Variants in CEP41 observed in about 807,000 individuals in gnomAD.
CEP41 encodes the protein centrosomal protein of 41 kDa.
A neutral mutation model predicts 44.3 loss-of-function variants in CEP41; 32 were observed. That is an observed-to-expected ratio of 0.72 (90% CI 0.54 to 0.97). CEP41 has a LOEUF of 0.97. Ranked by LOEUF, CEP41 falls within the 50% of genes least tolerant of loss-of-function variation. CEP41 has a pLI of 0.00. For missense variants in CEP41, 432 were observed against 455.2 expected, an observed-to-expected ratio of 0.95 and a Z score of 0.46; for synonymous variants, 151 against 168.5, an observed-to-expected ratio of 0.90 and a Z score of 0.80.
intron 2 of CEP41, 34 bp downstream of exon 2, chr7:130,427,921 T>C (rs1196527386): frequency 7.0e-7 from 1 of 1,438,672 alleles, no homozygotes; most frequent in Middle Eastern, 1.8e-4. Flanking sequence ...GCTATTAGAT[T>C]TTTTTTAATT....
At chr7:130,412,122 C>T (rs1360220372) in intron 4 of CEP41, 57 bp downstream of exon 4, 4 of 928,334 alleles carry the variant, frequency 4.3e-6, no homozygotes, top group Non-Finnish European at 7.2e-6. Flanking sequence ...TTTAGAAATA[C>T]ATAAAGTGGC....
chr7:130,425,046 T>C (rs1554423061), intron 2 of CEP41, among the ~76,000 whole-genome samples: 1 of 152,082 alleles, frequency 6.6e-6, no homozygotes, highest in East Asian at 1.9e-4. Context: ...GCAAAAGATA[T>C]GAACAGGTAT....
At chr7:130,431,178 A>G (rs969033892) in intron 1 of CEP41, among the ~76,000 whole-genome samples, 2 of 120,794 alleles carry the variant, frequency 1.7e-5, no homozygotes, top group Non-Finnish European at 3.6e-5. Context: ...TATGGGACTG[A>G]CATACTTTTT....
chr7:130,418,602 A>T (rs1365105691), intron 2 of CEP41, among the ~76,000 whole-genome samples: 1 of 152,182 alleles, frequency 6.6e-6, no homozygotes, highest in Non-Finnish European at 1.5e-5. Flanking sequence ...AGCTTTAGGC[A>T]ATCTAGTCAG....
chr7:130,409,559 T>C (rs1797112487), intron 5 of CEP41, among the ~76,000 whole-genome samples: 1 of 152,146 alleles, frequency 6.6e-6, no homozygotes, highest in Non-Finnish European at 1.5e-5. Flanking sequence ...TCCAGGGAAA[T>C]GACAGTTGAG....
chr7:130,431,221 T>C (rs1797813827), intron 1 of CEP41, among the ~76,000 whole-genome samples: 1 of 152,188 alleles, frequency 6.6e-6, no homozygotes, highest in African/African-American at 2.4e-5. Flanking sequence ...GTGGGGTGAC[T>C]GCTTTTTGAC....
intron 1 of CEP41, among the ~76,000 whole-genome samples, chr7:130,437,985 G>A (rs1298592659): frequency 1.3e-5 from 2 of 152,020 alleles, no homozygotes; most frequent in African/African-American, 2.4e-5. Context: ...TCAAACAAGA[G>A]AGTAAACTGG....
At chr7:130,401,781 A>T (rs1796850719) in intron 8 of CEP41, 100 bp downstream of exon 8, 1 of 802,144 alleles carries the variant, frequency 1.2e-6, no homozygotes. Context: ...AATAATATCA[A>T]AGGTCCTTCA....
intron 2 of CEP41, chr7:130,420,053 G>A: frequency 5.1e-6 from 5 of 985,422 alleles, no homozygotes; most frequent in Non-Finnish European, 6.0e-6. Flanking sequence ...CAGGTGCACT[G>A]GATCATGCCT....
intron 3 of CEP41, among the ~76,000 whole-genome samples, chr7:130,414,621 T>C (rs1413524742): frequency 1.3e-5 from 2 of 152,262 alleles, no homozygotes; most frequent in Non-Finnish European, 2.9e-5. Flanking sequence ...TTGGGATTTC[T>C]ACTGTCTTCT....
intron 8 of CEP41, 131 bp from the exon 9 acceptor site, chr7:130,400,952 C>G (rs1247053343): frequency 1.4e-6 from 1 of 699,228 alleles, no homozygotes; most frequent in Non-Finnish European, 2.6e-6. Context: ...CCATTCCTAC[C>G]GTCACACCAG....
At position 130,411,169 on chromosome 7, in the gene CEP41, G is replaced by C. The variant is rs1797171055; in HGVS notation, c.230C>G (p.Ser77Cys). The C allele has an allele frequency of 1.2e-6, 2 of 1,614,020 alleles. No individual in the cohort carries two copies. The highest frequency in any genetic ancestry group is 1.7e-6 in the Non-Finnish European group (2 of 1,179,894). ...AQLIIQVASLSDQTLEVTAEE... is the reference protein window; with the variant it reads ...AQLIIQVASLCDQTLEVTAEE... The stretch of plus-strand genomic sequence containing the variant: ...AGCTGTCACTTCCAGTGTTTGATCA[G>C]AGAGGGAAGCAACTTGGATGATCTG... The change falls in exon 5 of 11, where the codon TCT (serine) becomes TGT (cysteine). Residue 77 changes from serine (S) to cysteine (C), a missense_variant. Transcript: ENST00000223208.
At chr7:130,420,328 CAAAAAAAAAAA>C in intron 2 of CEP41, 1 of 78,174 alleles carries the variant, frequency 1.3e-5, no homozygotes, top group Non-Finnish European at 2.3e-5. Context: ...GACTCTATCT[CAAAAAAAAAAA>C]AAAAAAAAAA....
At chr7:130,427,033 A>T (rs1183488365) in intron 2 of CEP41, 1 of 157,770 alleles carries the variant, frequency 6.3e-6, no homozygotes, top group African/African-American at 2.4e-5. Flanking sequence ...ACTGAATTTA[A>T]GTCTATTTTA....
At chr7:130,413,892 T>G (rs1418469047) in intron 3 of CEP41, among the ~76,000 whole-genome samples, 2 of 152,222 alleles carry the variant, frequency 1.3e-5, no homozygotes, top group African/African-American at 4.8e-5. Flanking sequence ...CCATGACTCT[T>G]TAACTGCTGC....
At chr7:130,428,373 G>A (rs1012675336) in intron 1 of CEP41, among the ~76,000 whole-genome samples, 1 of 140,192 alleles carries the variant, frequency 7.1e-6, no homozygotes, top group African/African-American at 2.7e-5. Flanking sequence ...CCAGCGAGGT[G>A]AGGTGAGATT....
chr7:130,434,937 A>G (rs1797919774), intron 1 of CEP41, among the ~76,000 whole-genome samples: 1 of 152,076 alleles, frequency 6.6e-6, no homozygotes, highest in Admixed American at 6.5e-5. Flanking sequence ...AACTAGCAAA[A>G]CAAAAAAACA....
At position 130,394,260 on chromosome 7, in the gene CEP41, A is replaced by T. The variant is rs1468797757; in HGVS notation, c.*4631T>A. ...CCTGGCTTTTCAAACCCTTGGTCAG[A>T]GACTGAAGGCAAACCTGAGTCACTT... On this transcript the variant is annotated 3_prime_UTR_variant, in exon 11 of 11. Transcript: ENST00000223208. The T allele has an allele frequency of 6.6e-6, 3 of 454,058 alleles. No homozygotes were observed. The highest frequency in any genetic ancestry group is 1.3e-5 in the Non-Finnish European group (3 of 226,782). 28.1% of individuals were successfully genotyped at this position (454,058 alleles called of 1,614,324 possible). A position where few individuals can be genotyped will look rare whatever the true frequency, so the allele number is the denominator to read the frequency against.
rs1554413395 is a variant in CEP41 at position 130,393,905 on chromosome 7, A to G, written c.*4986T>C. 2.2e-6 allele frequency: 1 copy of G among 454,116 alleles called. No homozygotes were observed. The highest frequency in any genetic ancestry group is 4.4e-6 in the Non-Finnish European group (1 of 226,794). 28.1% of individuals were successfully genotyped at this position (454,116 alleles called of 1,614,324 possible). On this transcript the variant is annotated 3_prime_UTR_variant, in exon 11 of 11. Coordinates refer to ENST00000223208, the MANE Select transcript of CEP41 (RefSeq NM_018718.3). ...TACTTTGCAAGGTGTCCATTAACAG[A>G]CAAAATAACCTCGGAAGCCCTGGAG...
Sources: allele counts gnomAD v4.1 joint callset (sites outside exome capture counted in the v4.1 genomes callset), GRCh38; gene constraint gnomAD v4.1.1; transcripts MANE v1.5; gene names NCBI Gene and HGNC (gene_info 2026-07-23, HGNC 2026-07-21).